AAMDC: variants seen among roughly 807,000 people sequenced by gnomAD.
AAMDC encodes the protein adipogenesis associated Mth938 domain containing, also known as mth938 domain-containing protein.
AAMDC carries 16 observed loss-of-function variants against 15.5 expected under a neutral mutation model. The observed-to-expected ratio is 1.03, with a 90% CI of 0.70 to 1.57. The LOEUF is 1.57. AAMDC is among the 40% of genes most tolerant of loss of function. The pLI, the probability that AAMDC is intolerant of heterozygous loss-of-function variation, is 0.00. For synonymous variants in AAMDC, 51 were observed against 51.6 expected, an observed-to-expected ratio of 0.99 and a Z score of 0.05; for missense variants, 141 against 144.9, an observed-to-expected ratio of 0.97 and a Z score of 0.14.
downstream of AAMDC, among the ~76,000 whole-genome samples, chr11:77,905,359 A>C (rs1952914778): frequency 6.6e-6 from 1 of 151,998 alleles, no homozygotes; most frequent in African/African-American, 2.4e-5. Flanking sequence ...TGGGAGACTG[A>C]GACAGGAGAA....
At chr11:77,869,663 G>A in intron 2 of AAMDC, 59 bp from the exon 3 acceptor site, 1 of 1,460,430 alleles carries the variant, frequency 6.8e-7, no homozygotes, top group East Asian at 2.3e-5. Context: ...CCACAAGAAT[G>A]CCTATTGCAA....
chr11:77,868,698 GTTT>G (rs34460167), intron 2 of AAMDC: 5,984 of 193,436 alleles, frequency 0.031, 305 homozygotes, highest in African/African-American at 0.12. Flanking sequence ...TGTTGTTGTT[GTTT>G]TTTAACACAA....
rs866466849 is a variant in AAMDC, at chr11:77,895,381, T to C, written c.329-5190T>C. Among the ~76,000 whole-genome samples the C allele has an allele frequency of 5.9e-5, 9 of 151,978 alleles. No individual in the cohort carries two copies. In the South Asian group the frequency reaches 1.7e-3, roughly 28 times the overall value. On this transcript the variant is annotated intron_variant, in intron 5 of 5. Coordinates refer to the AAMDC transcript ENST00000304716. ...TCTTTTTATTAAAATATAGTCTCCA[T>C]GAGTAGACTTTGTATTCTTCATCAT... is the stretch of plus-strand genomic sequence containing the variant.
chr11:77,853,060 C>A (rs1950467600), intron 2 of AAMDC, among the ~76,000 whole-genome samples: 1 of 151,990 alleles, frequency 6.6e-6, no homozygotes, highest in Admixed American at 6.6e-5. Context: ...ATTTTTAGAA[C>A]TGAGATTGTG....
downstream of AAMDC, among the ~76,000 whole-genome samples, chr11:77,874,854 T>C (rs563016354): frequency 2.0e-5 from 3 of 152,222 alleles, no homozygotes; most frequent in Admixed American, 2.0e-4. Context: ...CTGGCCAACA[T>C]GGTGAAACCC....
intron 1 of AAMDC, among the ~76,000 whole-genome samples, chr11:77,825,371 T>C (rs1354035229): frequency 2.6e-5 from 4 of 152,068 alleles, no homozygotes; most frequent in Admixed American, 2.0e-4. Context: ...GAATTCCTAA[T>C]CAAGGATGAG....
intron 5 of AAMDC, among the ~76,000 whole-genome samples, chr11:77,889,006 T>A (rs1306374712): frequency 1.4e-4 from 21 of 152,290 alleles, no homozygotes; most frequent in Admixed American, 7.8e-4. Flanking sequence ...CCATTGTGGA[T>A]GTCAGTGTGG....
intron 2 of AAMDC, among the ~76,000 whole-genome samples, chr11:77,853,208 A>G (rs1457484475): frequency 1.3e-5 from 2 of 152,262 alleles, no homozygotes; most frequent in Non-Finnish European, 2.9e-5. Context: ...ATTTGTTAGT[A>G]AAAGTGAACA....
At chr11:77,898,683 G>T (rs1952638439) in intron 5 of AAMDC, among the ~76,000 whole-genome samples, 1 of 152,100 alleles carries the variant, frequency 6.6e-6, no homozygotes, top group South Asian at 2.1e-4. Flanking sequence ...CATGTATCAA[G>T]TATTTATAAT....
chr11:77,898,232 C>T (rs1952616436), intron 5 of AAMDC, among the ~76,000 whole-genome samples: 2 of 152,132 alleles, frequency 1.3e-5, no homozygotes, highest in African/African-American at 4.8e-5. Flanking sequence ...GGTGCGATCT[C>T]GGCTCACTGC....
intron 5 of AAMDC, chr11:77,878,982 T>G: frequency 6.2e-7 from 1 of 1,614,080 alleles, no homozygotes. Flanking sequence ...TTATATAAAC[T>G]TTTACAGGCT....
chr11:77,901,646 T>C, downstream of AAMDC: 10 of 892,642 alleles, frequency 1.1e-5, no homozygotes, highest in South Asian at 3.1e-5. Context: ...TAGGTGAAAC[T>C]CTTAACTGAG....
chr11:77,838,954 G>T (rs1949813335), intron 1 of AAMDC, among the ~76,000 whole-genome samples: 1 of 152,118 alleles, frequency 6.6e-6, no homozygotes, highest in Non-Finnish European at 1.5e-5. Flanking sequence ...ACCAGTGCTA[G>T]AATTTCCATT....
chr11:77,873,817 T>TA (rs1951522071), downstream of AAMDC, among the ~76,000 whole-genome samples: 1 of 152,226 alleles, frequency 6.6e-6, no homozygotes, highest in South Asian at 2.1e-4. Flanking sequence ...AAAAAACACT[T>TA]ACTTGGCAGC....
rs1949057688 is a variant in AAMDC at position 77,823,970 on chromosome 11, G to A, written c.-19+2729G>A. ...GTTTTCTTTTCTCACTGCTCACACTGTTAGTCAAACAGACTGATAAATAAA... is the reference window on the plus strand; with the variant it reads ...GTTTTCTTTTCTCACTGCTCACACTATTAGTCAAACAGACTGATAAATAAA... On this transcript the variant is annotated intron_variant, in intron 1 of 3. Coordinates refer to ENST00000393427, the MANE Select transcript of AAMDC (RefSeq NM_024684.4). Among the ~76,000 whole-genome samples, 3 of 151,608 alleles carry A rather than the reference G, an allele frequency of 2.0e-5. No individual in the cohort carries two copies. The South Asian group carries it at 6.3e-4, about 32-fold the overall frequency.
chr11:77,836,937 C>A (rs1211392872), intron 1 of AAMDC, among the ~76,000 whole-genome samples: 2 of 152,146 alleles, frequency 1.3e-5, no homozygotes, highest in Non-Finnish European at 2.9e-5. Context: ...TGCACTCCAG[C>A]CTGGGCAACA....
chr11:77,830,453 G>A (rs562935503), intron 1 of AAMDC, among the ~76,000 whole-genome samples: 6 of 152,040 alleles, frequency 3.9e-5, no homozygotes, highest in African/African-American at 7.2e-5. Context: ...CAAACCTGCC[G>A]TGAATCAAAC....
At chr11:77,891,675 C>T in intron 5 of AAMDC, 1 of 1,611,826 alleles carries the variant, frequency 6.2e-7, no homozygotes, top group Non-Finnish European at 8.5e-7. Context: ...CCAAATAGAC[C>T]CTGACCTGCT....
rs557186061 is a variant in AAMDC, at chr11:77,823,916, T to TA, written c.-19+2689dup. Among the ~76,000 whole-genome samples, 597 of 133,680 alleles carry TA rather than the reference T, an allele frequency of 4.5e-3. 3 individuals carry two copies. The highest frequency in any genetic ancestry group is 0.023 in the Middle Eastern group (6 of 256). The allele number at this position is 133,680 out of a possible 152,430, so 87.7% of individuals were successfully genotyped here. A position where few individuals can be genotyped will look rare whatever the true frequency, so the allele number is the denominator to read the frequency against. The stretch of plus-strand genomic sequence containing the variant: ...CCAGTGAGGTTGTGAAATAACATTC[T>TA]AAAAAAAAAAAAAAGCTTTATTACT... On this transcript the variant is annotated intron_variant, in intron 1 of 3. Transcript: ENST00000393427.
Sources: gnomAD v4.1 joint callset for allele counts (sites outside exome capture counted in the v4.1 genomes callset) on GRCh38, gnomAD v4.1.1 for gene constraint, MANE v1.5 for transcripts, NCBI Gene and HGNC (gene_info 2026-07-23, HGNC 2026-07-21) for gene names.